The following RELL1 variants were observed in gnomAD, a reference collection of about 807,000 sequenced individuals.
RELL1 encodes the protein RELT-like protein 1.
RELL1 carries 10 observed loss-of-function variants against 23.0 expected under a neutral mutation model. The ratio of observed to expected loss-of-function variants is 0.43; its 90% confidence interval spans 0.27 to 0.74. The LOEUF (loss-of-function observed/expected upper bound fraction) is 0.74, where lower values mean the gene tolerates loss of function less well. Among genes scored for constraint, RELL1 ranks in the 30% least tolerant of loss-of-function variants. RELL1 has a pLI of 0.19. For missense variants in RELL1, 315 were observed against 364.4 expected (o/e 0.86, Z 1.10); for synonymous variants, 146 against 146.8 (o/e 0.99, Z 0.04).
chr4:37,618,547 A>T (rs78811656), intron 6 of RELL1, among the ~76,000 whole-genome samples: 1 of 152,084 alleles, frequency 6.6e-6, no homozygotes, highest in African/African-American at 2.4e-5. Flanking sequence ...ATCTACTTCA[A>T]TCTTTGGCAT....
At chr4:37,647,989 C>T (rs1280879396) in intron 2 of RELL1, among the ~76,000 whole-genome samples, 1 of 152,162 alleles carries the variant, frequency 6.6e-6, no homozygotes, top group Non-Finnish European at 1.5e-5. Flanking sequence ...CAGGAGCATA[C>T]ATGACGGTCT....
intron 6 of RELL1, among the ~76,000 whole-genome samples, chr4:37,604,866 G>C (rs200583362): frequency 0.12 from 6,459 of 53,984 alleles, 249 homozygotes; most frequent in Middle Eastern, 0.2. Context: ...CACACACACA[G>C]ACACACACAC....
chr4:37,669,856 C>CT (rs1448417715), intron 1 of RELL1, among the ~76,000 whole-genome samples: 5 of 151,338 alleles, frequency 3.3e-5, no homozygotes, highest in African/African-American at 1.2e-4. Flanking sequence ...CGTTAAGAGT[C>CT]ATCACCACTC....
intron 1 of RELL1, among the ~76,000 whole-genome samples, chr4:37,657,228 A>AT (rs1346096746): frequency 1.3e-5 from 2 of 152,224 alleles, no homozygotes; most frequent in African/African-American, 2.4e-5. Flanking sequence ...AAGAAAAACA[A>AT]TCCACAGAAG....
chr4:37,624,934 T>C (rs1719891074), intron 6 of RELL1, among the ~76,000 whole-genome samples: 1 of 152,208 alleles, frequency 6.6e-6, no homozygotes, highest in African/African-American at 2.4e-5. Context: ...GCCATGACAA[T>C]TGTTAACAGC....
chr4:37,674,818 T>C (rs1038278186), intron 1 of RELL1, among the ~76,000 whole-genome samples: 1 of 152,206 alleles, frequency 6.6e-6, no homozygotes, highest in African/African-American at 2.4e-5. Context: ...CATCTACGCA[T>C]GGGGAAGGAA....
intron 6 of RELL1, among the ~76,000 whole-genome samples, chr4:37,630,974 ATCAG>A (rs967392737): frequency 6.6e-6 from 1 of 151,982 alleles, no homozygotes; most frequent in African/African-American, 2.4e-5. Flanking sequence ...AATATCGAAA[ATCAG>A]TGATTTTACA....
intron 6 of RELL1, among the ~76,000 whole-genome samples, chr4:37,622,195 C>T (rs1187043927): frequency 6.6e-6 from 1 of 152,164 alleles, no homozygotes; most frequent in Non-Finnish European, 1.5e-5. Context: ...AAATCACTAA[C>T]TTCAATAAAA....
intron 1 of RELL1, among the ~76,000 whole-genome samples, chr4:37,681,452 C>G (rs962101097): frequency 5.9e-5 from 9 of 151,734 alleles, no homozygotes; most frequent in Non-Finnish European, 1.3e-4. Flanking sequence ...GGCACAATGC[C>G]CATTTTACAG....
intron 6 of RELL1, among the ~76,000 whole-genome samples, chr4:37,600,780 C>CGTGT (rs71189087): frequency 0.013 from 1,933 of 147,602 alleles, 18 homozygotes; most frequent in Admixed American, 0.024. Context: ...TGGATTTGTG[C>CGTGT]GTGTGTGTGT....
At chr4:37,668,742 C>A (rs1721639309) in intron 1 of RELL1, among the ~76,000 whole-genome samples, 1 of 149,256 alleles carries the variant, frequency 6.7e-6, no homozygotes, top group African/African-American at 2.6e-5. Flanking sequence ...AGCATCTCTG[C>A]CCGGCCGCCA....
intron 4 of RELL1, 71 bp downstream of exon 4, chr4:37,638,376 T>C (rs2109268277): frequency 8.2e-7 from 1 of 1,220,488 alleles, no homozygotes; most frequent in East Asian, 2.3e-5. Context: ...AGAAGAGCAT[T>C]TCAGATGGCG....
chr4:37,645,740 A>G (rs1161803992), intron 3 of RELL1, among the ~76,000 whole-genome samples: 2 of 152,216 alleles, frequency 1.3e-5, no homozygotes, highest in African/African-American at 2.4e-5. Flanking sequence ...AACTAACTTT[A>G]TAGGGATGTT....
chr4:37,631,538 G>T lies in RELL1; in HGVS notation c.681-15C>A. ...TAACTCTAAATCTGAGGGGGGAATG[G>T]GGAGAGGTGATGGGGTTTGCTTTTC... On this transcript the variant is annotated splice_polypyrimidine_tract_variant and intron_variant, in intron 5 of 6. Coordinates refer to ENST00000454158, the MANE Select transcript of RELL1 (RefSeq NM_001085400.2). 5 of 1,613,350 alleles carry T rather than the reference G, an allele frequency of 3.1e-6. No individual in the cohort carries two copies. The highest frequency in any genetic ancestry group is 4.2e-6 in the Non-Finnish European group (5 of 1,179,686).
At chr4:37,655,046 C>T (rs1721075043) in intron 1 of RELL1, among the ~76,000 whole-genome samples, 1 of 152,066 alleles carries the variant, frequency 6.6e-6, no homozygotes, top group South Asian at 2.1e-4. Context: ...AGAGCAGAGG[C>T]TGTTAGTCAT....
At chr4:37,610,141 C>T (rs1462104944), downstream of RELL1, among the ~76,000 whole-genome samples, 5 of 152,188 alleles carry the variant, frequency 3.3e-5, no homozygotes, top group African/African-American at 1.2e-4. This position sits in a 1 kb window ranked among gnomAD's most constrained non-coding sequence, Gnocchi z 4.1. Flanking sequence ...CCCCAACCTT[C>T]AGTAACCACC....
chr4:37,644,438 TTTTATTTATTTATTTA>T (rs10523379), intron 3 of RELL1, among the ~76,000 whole-genome samples: 4 of 137,882 alleles, frequency 2.9e-5, no homozygotes, highest in Admixed American at 7.3e-5. Context: ...TTATTTTTAT[TTTTATTTATTTATTTA>T]TTTATTTATT....
intron 3 of RELL1, among the ~76,000 whole-genome samples, chr4:37,639,383 CAAAAAA>C (rs58310167): frequency 1.2e-4 from 8 of 66,250 alleles, no homozygotes; most frequent in Admixed American, 7.5e-4. Context: ...GACTCTGTCT[CAAAAAA>C]AAAAAAAAAA....
chr4:37,608,026 T>C (rs1157023048), downstream of RELL1, among the ~76,000 whole-genome samples: 2 of 152,238 alleles, frequency 1.3e-5, no homozygotes, highest in African/African-American at 4.8e-5. Context: ...TTTCTGATGT[T>C]ACTATTGTAA....
Sources: gnomAD v4.1 joint callset for allele counts (sites outside exome capture counted in the v4.1 genomes callset) on GRCh38, gnomAD v4.1.1 for gene constraint, Gnocchi (gnomAD v3.1) non-coding constraint, MANE v1.5 for transcripts, NCBI Gene and HGNC (gene_info 2026-07-23, HGNC 2026-07-21) for gene names.